The following ENAH variants were observed in gnomAD, a reference collection of about 807,000 sequenced individuals.
ENAH encodes ENAH actin regulator.
A neutral mutation model predicts 78.7 loss-of-function variants in ENAH; 23 were observed. The ratio of observed to expected loss-of-function variants is 0.29; its 90% confidence interval spans 0.21 to 0.41. The LOEUF (loss-of-function observed/expected upper bound fraction) is 0.41, where lower values mean the gene tolerates loss of function less well. ENAH is among the 10% of genes least tolerant of loss of function. ENAH has a pLI of 1.00. For synonymous variants in ENAH, 226 were observed against 241.0 expected (o/e 0.94, Z 0.58); for missense variants, 544 against 691.0 (o/e 0.79, Z 2.39).
At chr1:225,581,066 A>C (rs1218757433) in intron 1 of ENAH, among the ~76,000 whole-genome samples, 2 of 152,160 alleles carry the variant, frequency 1.3e-5, no homozygotes, top group Non-Finnish European at 2.9e-5. Context: ...TTCCCAGTGC[A>C]CCAGCAAACC....
chr1:225,652,339 G>A (rs1400890956), intron 1 of ENAH: 1 of 985,216 alleles, frequency 1.0e-6, no homozygotes, highest in African/African-American at 1.7e-5. Flanking sequence ...CAACACGCAC[G>A]CTTCGATTCT....
intron 1 of ENAH, among the ~76,000 whole-genome samples, chr1:225,626,269 C>CA (rs1391937078): frequency 3.3e-5 from 5 of 152,130 alleles, no homozygotes; most frequent in African/African-American, 1.2e-4. Flanking sequence ...TCAGTGCCAA[C>CA]AAAAAAATCT....
intron 2 of ENAH, among the ~76,000 whole-genome samples, chr1:225,561,199 C>A (rs1158806576): frequency 6.6e-6 from 1 of 152,114 alleles, no homozygotes; most frequent in African/African-American, 2.4e-5. Context: ...CACCACTGCA[C>A]GCCAGCCTGG....
intron 12 of ENAH, among the ~76,000 whole-genome samples, chr1:225,499,663 C>T (rs1371956539): frequency 1.3e-5 from 2 of 152,120 alleles, no homozygotes; most frequent in Admixed American, 6.5e-5. Context: ...CAGAGTGAGA[C>T]TCTGTCTCAA....
intron 1 of ENAH, among the ~76,000 whole-genome samples, chr1:225,591,330 G>A (rs764406084): frequency 1.3e-5 from 2 of 151,846 alleles, no homozygotes; most frequent in East Asian, 1.9e-4. Flanking sequence ...TTAGAAGGGC[G>A]TGGTGGTGAT....
chr1:225,607,224 A>C (rs1209974444), intron 1 of ENAH, among the ~76,000 whole-genome samples: 1 of 152,180 alleles, frequency 6.6e-6, no homozygotes, highest in Non-Finnish European at 1.5e-5. Flanking sequence ...ACGACAGCTG[A>C]TGAGCTTAAA....
intron 1 of ENAH, among the ~76,000 whole-genome samples, 196 bp from the exon 2 acceptor site, chr1:225,567,610 T>C (rs1234989341): frequency 6.6e-6 from 1 of 151,986 alleles, no homozygotes; most frequent in Non-Finnish European, 1.5e-5. Flanking sequence ...AAAAATAAAG[T>C]ATAATTAAAA....
At chr1:225,582,999 A>G (rs1190102985) in intron 1 of ENAH, among the ~76,000 whole-genome samples, 1 of 152,224 alleles carries the variant, frequency 6.6e-6, no homozygotes, top group Non-Finnish European at 1.5e-5. Flanking sequence ...ATGACCACAG[A>G]CATCTTCATA....
At chr1:225,526,362 C>T (rs1255694917) in intron 4 of ENAH, among the ~76,000 whole-genome samples, 1 of 146,302 alleles carries the variant, frequency 6.8e-6, no homozygotes, top group Non-Finnish European at 1.5e-5. Flanking sequence ...TCTTTTGAGA[C>T]AGAATCTTGC....
chr1:225,575,165 T>A (rs1299049695), intron 1 of ENAH, among the ~76,000 whole-genome samples: 1 of 152,112 alleles, frequency 6.6e-6, no homozygotes, highest in Non-Finnish European at 1.5e-5. Context: ...CCAAGCCCTG[T>A]CAATTCTATT....
At chr1:225,595,376 G>C (rs2096897624) in intron 1 of ENAH, among the ~76,000 whole-genome samples, 2 of 151,980 alleles carry the variant, frequency 1.3e-5, no homozygotes, top group African/African-American at 2.4e-5. Flanking sequence ...AGCTGAAGTT[G>C]GTAATGCAAT....
chr1:225,584,075 C>G (rs1193345072), intron 1 of ENAH, among the ~76,000 whole-genome samples: 1 of 152,086 alleles, frequency 6.6e-6, no homozygotes, highest in Non-Finnish European at 1.5e-5. Flanking sequence ...ACTGCTTGAA[C>G]CCGGGAGATG....
At chr1:225,534,215 G>A (rs1028515723) in intron 3 of ENAH, among the ~76,000 whole-genome samples, 1 of 152,004 alleles carries the variant, frequency 6.6e-6, no homozygotes, top group Non-Finnish European at 1.5e-5. Flanking sequence ...AAACCCCCAG[G>A]AGGAGGCAGA....
intron 2 of ENAH, among the ~76,000 whole-genome samples, chr1:225,562,213 A>C (rs1409005718): frequency 6.6e-6 from 1 of 151,652 alleles, no homozygotes. Context: ...GAGCCACTGC[A>C]CCCAGCCAAC....
At chr1:225,630,127 G>GA (rs560560991) in intron 1 of ENAH, among the ~76,000 whole-genome samples, 3 of 151,592 alleles carry the variant, frequency 2.0e-5, no homozygotes, top group South Asian at 2.1e-4. Context: ...GAAATATTTA[G>GA]AAAAAAAATG....
rs1052920678 is a variant in ENAH at position 225,572,367 on chromosome 1, A to G, written c.6-4953T>C. ...CTGCCAATATTTTGCCCTACTTGAC[A>G]GGTATGCGATGGGGCGGTGGTGGGG... On this transcript the variant is annotated intron_variant, in intron 1 of 13. Transcript: ENST00000366843. Among the ~76,000 whole-genome samples, 3 of 152,184 alleles carry G rather than the reference A, an allele frequency of 2.0e-5. No individual in the cohort carries two copies. The East Asian group carries it at 5.8e-4, about 29-fold the overall frequency.
chr1:225,530,679 T>C lies in ENAH; in HGVS notation c.350-41A>G, dbSNP rs754063077. The stretch of plus-strand genomic sequence containing the variant: ...ACATTACAGATGAACATTATTTTCA[T>C]ATCTAGCTGGACAGAGGAGATAAAA... On this transcript the variant is annotated intron_variant, in intron 3 of 13. Coordinates refer to ENST00000366843, the MANE Select transcript of ENAH (RefSeq NM_018212.6). 60 of 1,424,166 alleles carry C rather than the reference T, an allele frequency of 4.2e-5. No individual in the cohort carries two copies. In the East Asian group the frequency reaches 1.1e-3, roughly 27 times the overall value. The allele number at this position is 1,424,166 out of a possible 1,614,324, so 88.2% of individuals were successfully genotyped here.
intron 1 of ENAH, among the ~76,000 whole-genome samples, chr1:225,613,508 A>G (rs961664960): frequency 9.9e-5 from 15 of 152,160 alleles, no homozygotes; most frequent in Non-Finnish European, 2.1e-4. Flanking sequence ...CAGTTTGTCA[A>G]TTTTATGTGT....
At chr1:225,515,687 G>C (rs1273715827) in intron 6 of ENAH, among the ~76,000 whole-genome samples, 1 of 152,200 alleles carries the variant, frequency 6.6e-6, no homozygotes, top group African/African-American at 2.4e-5. Context: ...TAAGGTTTAA[G>C]AGGGGTGTTT....
Sources: gnomAD v4.1 joint callset for allele counts (sites outside exome capture counted in the v4.1 genomes callset) on GRCh38, gnomAD v4.1.1 for gene constraint, MANE v1.5 for transcripts, NCBI Gene and HGNC (gene_info 2026-07-23, HGNC 2026-07-21) for gene names.